ARMC3: variants seen among roughly 807,000 people sequenced by gnomAD.
ARMC3 encodes the protein armadillo repeat containing 3.
A neutral mutation model predicts 90.3 loss-of-function variants in ARMC3; 74 were observed. That is an observed-to-expected ratio of 0.82 (90% CI 0.68 to 0.99). The LOEUF (loss-of-function observed/expected upper bound fraction) is 0.99. Among genes scored for constraint, ARMC3 ranks in the 50% least tolerant of loss-of-function variants. The pLI is 0.00. For synonymous variants in ARMC3, 334 were observed against 361.8 expected (o/e 0.92, Z 0.87); for missense variants, 958 against 1,042.8 (o/e 0.92, Z 1.12).
intron 13 of ARMC3, 74 bp from the exon 14 acceptor site, chr10:23,006,810 T>TATTC: frequency 2.5e-6 from 3 of 1,182,078 alleles, no homozygotes. Context: ...GCTGAGAATA[T>TATTC]ATTCTATCTG....
At chr10:22,995,901 T>C (rs1400077546) in intron 10 of ARMC3, among the ~76,000 whole-genome samples, 1 of 152,176 alleles carries the variant, frequency 6.6e-6, no homozygotes, top group Non-Finnish European at 1.5e-5. Flanking sequence ...CTGGATGCCA[T>C]TGAAGTACCC....
chr10:22,972,716 C>A (rs1234128510), intron 8 of ARMC3, among the ~76,000 whole-genome samples: 1 of 152,176 alleles, frequency 6.6e-6, no homozygotes, highest in Non-Finnish European at 1.5e-5. Context: ...ATCCTGGGAT[C>A]ATTTTCTTAC....
chr10:22,944,790 T>A (rs1488123994), intron 2 of ARMC3, among the ~76,000 whole-genome samples: 1 of 152,200 alleles, frequency 6.6e-6, no homozygotes, highest in African/African-American at 2.4e-5. Flanking sequence ...TCTGCTCTCA[T>A]GATTAGTGTT....
chr10:22,990,451 A>G (rs1564375942), intron 10 of ARMC3, among the ~76,000 whole-genome samples: 1 of 152,218 alleles, frequency 6.6e-6, no homozygotes, highest in Admixed American at 6.5e-5. Flanking sequence ...TTACGTTTCC[A>G]TGATCTGAAA....
rs115941026 is a variant in ARMC3 at position 22,941,082 on chromosome 10, A to G, written c.49-5062A>G. 4.2e-3 allele frequency among the ~76,000 whole-genome samples: 645 copies of G among 152,274 alleles called. 6 individuals are homozygous for G. The highest frequency in any genetic ancestry group is 0.014 in the African/African-American group (595 of 41,560). On this transcript the variant is annotated intron_variant, in intron 2 of 18. Transcript: ENST00000298032. ...CAAAAATATTCTGCCACATGAAAGA[A>G]GCGTACACAAAGGGTCCCTATGTAG...
At chr10:23,029,740 G>T (rs544224150) in intron 16 of ARMC3, among the ~76,000 whole-genome samples, 16 of 152,204 alleles carry the variant, frequency 1.1e-4, no homozygotes, top group African/African-American at 3.6e-4. Context: ...TCTAAGACCA[G>T]AACTTTTAAT....
At chr10:22,971,033 A>C (rs547123397) in intron 8 of ARMC3, among the ~76,000 whole-genome samples, 2 of 152,236 alleles carry the variant, frequency 1.3e-5, no homozygotes, top group Non-Finnish European at 2.9e-5. Flanking sequence ...TATACCAATT[A>C]AACAATCATT....
Position 22,998,398 on chromosome 10 carries a change from GTGAGAATTTT to G in ARMC3, c.1425+2_1425+11del, listed in dbSNP as rs2131404930. On this transcript the variant is annotated splice_donor_variant and splice_donor_5th_base_variant and intron_variant, in intron 11 of 18. Transcript: ENST00000298032. LOFTEE classifies it high-confidence loss of function. ...GTGTGACGTTGAAGCCCGGACTGAG[GTGAGAATTTT>G]AATAACATGTGTTCTCTCATTTTTC... The G allele has an allele frequency of 6.2e-7, 1 of 1,613,658 alleles. No homozygotes were observed. The highest frequency in any genetic ancestry group is 1.3e-5 in the African/African-American group (1 of 75,034).
intron 10 of ARMC3, among the ~76,000 whole-genome samples, chr10:22,986,246 C>T (rs915294911): frequency 1.3e-5 from 2 of 151,934 alleles, no homozygotes; most frequent in African/African-American, 4.8e-5. Context: ...AATAGGCTTA[C>T]ATCAAAAATA....
rs564334926 is a variant in ARMC3 at position 22,940,288 on chromosome 10, C to A, written c.49-5856C>A. On this transcript the variant is annotated intron_variant, in intron 2 of 18. Coordinates refer to ENST00000298032, the MANE Select transcript of ARMC3 (RefSeq NM_173081.5). ...ATACATGATGGCAAAAAAGGCTATG[C>A]GATAGCATAAGAAACAATGAAATAC... Among the ~76,000 whole-genome samples the A allele has an allele frequency of 2.0e-5, 3 of 152,056 alleles. No individual in the cohort carries two copies. The East Asian group carries it at 5.8e-4, about 29-fold the overall frequency.
intron 16 of ARMC3, among the ~76,000 whole-genome samples, chr10:23,024,328 T>C (rs1838625377): frequency 6.6e-6 from 1 of 151,962 alleles, no homozygotes; most frequent in Non-Finnish European, 1.5e-5. Flanking sequence ...GGCTAAAGAA[T>C]GTTCTTCAAA....
At chr10:22,987,170 C>T (rs371055688) in intron 10 of ARMC3, among the ~76,000 whole-genome samples, 10 of 152,226 alleles carry the variant, frequency 6.6e-5, no homozygotes, top group African/African-American at 2.4e-4. Flanking sequence ...TTATTTTTGA[C>T]ATAGGAAATA....
intron 16 of ARMC3, among the ~76,000 whole-genome samples, chr10:23,026,402 G>A (rs1369838738): frequency 2.0e-5 from 3 of 151,974 alleles, no homozygotes; most frequent in African/African-American, 7.2e-5. Context: ...GCAACTTGAG[G>A]GCTTTATCCT....
chr10:22,975,306 G>A (rs1249369424), intron 8 of ARMC3, among the ~76,000 whole-genome samples: 7 of 152,188 alleles, frequency 4.6e-5, no homozygotes. Flanking sequence ...TGTACTCCCA[G>A]CGGTTTGGGA....
rs1245097284 is a variant in ARMC3, at chr10:23,033,680, TA to T, written c.2409+659del. ...TAGCCATTGAAAGTTTTCAAGAGGGTAACATCATTTTGAACCACTGTTCAGG... is the reference window on the plus strand; with the variant it reads ...TAGCCATTGAAAGTTTTCAAGAGGGTACATCATTTTGAACCACTGTTCAGG... On this transcript the variant is annotated intron_variant, in intron 18 of 18. Coordinates refer to ENST00000298032, the MANE Select transcript of ARMC3 (RefSeq NM_173081.5). Among the ~76,000 whole-genome samples the T allele has an allele frequency of 7.2e-5, 11 of 152,218 alleles. No individual in the cohort carries two copies. The East Asian group carries it at 1.9e-3, about 27-fold the overall frequency.
At chr10:23,014,355 C>G (rs1325526944) in intron 16 of ARMC3, 5 of 1,332,412 alleles carry the variant, frequency 3.8e-6, no homozygotes, top group Non-Finnish European at 2.9e-6. Context: ...AGCCTTTGGT[C>G]CATTGAGGGG....
intron 10 of ARMC3, among the ~76,000 whole-genome samples, chr10:22,992,076 G>A (rs578031380): frequency 6.6e-6 from 1 of 152,300 alleles, no homozygotes; most frequent in East Asian, 1.9e-4. Context: ...TTAATTATGA[G>A]TAGGGCATTC....
intron 8 of ARMC3, 124 bp downstream of exon 8, chr10:22,968,613 C>A: frequency 1.2e-6 from 1 of 833,302 alleles, no homozygotes; most frequent in Non-Finnish European, 1.7e-6. Flanking sequence ...GTGATTCTCC[C>A]ACCTCAGCCT....
chr10:22,996,321 T>C (rs1836952753), intron 10 of ARMC3, among the ~76,000 whole-genome samples: 1 of 152,144 alleles, frequency 6.6e-6, no homozygotes, highest in Non-Finnish European at 1.5e-5. Flanking sequence ...AGTGAAATTA[T>C]CTTAAGAATG....
Sources: gnomAD v4.1 joint callset for allele counts (sites outside exome capture counted in the v4.1 genomes callset) on GRCh38, gnomAD v4.1.1 for gene constraint, MANE v1.5 for transcripts, NCBI Gene and HGNC (gene_info 2026-07-23, HGNC 2026-07-21) for gene names.